IGF1: variants seen among roughly 807,000 people sequenced by gnomAD.
IGF1 encodes the protein insulin-like growth factor 1.
A neutral mutation model predicts 13.8 loss-of-function variants in IGF1; 4 were observed. The observed-to-expected ratio is 0.29, with a 90% CI of 0.14 to 0.66. The LOEUF (loss-of-function observed/expected upper bound fraction) is 0.66, where lower values mean the gene tolerates loss of function less well. Ranked by LOEUF, IGF1 falls within the 30% of genes least tolerant of loss-of-function variation. The pLI is 0.78. For missense variants in IGF1, 124 were observed against 188.5 expected, an observed-to-expected ratio of 0.66 and a Z score of 2.00; for synonymous variants, 76 against 72.6, an observed-to-expected ratio of 1.05 and a Z score of -0.23.
In IGF1 at chr12:102,402,501, G is replaced by T. The variant is rs199909639; in HGVS notation, c.*6C>A. On this transcript the variant is annotated 3_prime_UTR_variant, in exon 4 of 4. Coordinates refer to ENST00000337514, the MANE Select transcript of IGF1 (RefSeq NM_000618.5). ...ATGTCACTCTTCACTCCTCAGGAGG[G>T]TCTTCCTACATCCTGTAGTTCTTGT... 1.2e-5 allele frequency: 9 copies of T among 780,872 alleles called. No individual in the cohort carries two copies. The highest frequency in any genetic ancestry group is 1.9e-5 in the Non-Finnish European group (8 of 417,980). The allele number at this position is 780,872 out of a possible 1,614,324, so 48.4% of individuals were successfully genotyped here. A position where few individuals can be genotyped will look rare whatever the true frequency, so the allele number is the denominator to read the frequency against.
chr12:102,421,953 T>C (rs1243523334), intron 2 of IGF1, among the ~76,000 whole-genome samples: 10 of 152,218 alleles, frequency 6.6e-5, no homozygotes, highest in Admixed American at 5.9e-4. Flanking sequence ...TCTTGGTGAC[T>C]GTAAACAACC....
rs1178699150 is a variant in IGF1 at position 102,397,802 on chromosome 12, A to G, written c.*4705T>C. 6.6e-6 allele frequency: 1 copy of G among 152,222 alleles called. No homozygotes were observed. The highest frequency in any genetic ancestry group is 1.5e-5 in the Non-Finnish European group (1 of 68,038). 9.4% of individuals were successfully genotyped at this position (152,222 alleles called of 1,614,324 possible). A position where few individuals can be genotyped will look rare whatever the true frequency, so the allele number is the denominator to read the frequency against. On this transcript the variant is annotated 3_prime_UTR_variant, in exon 4 of 4. Coordinates refer to ENST00000337514, the MANE Select transcript of IGF1 (RefSeq NM_000618.5). Reference sequence around the variant, plus strand: ...TAAATCAGATTTATCTTTTGAAAATATTGGTGGAAAGCCATGTGATTTGAA... The same window carrying G: ...TAAATCAGATTTATCTTTTGAAAATGTTGGTGGAAAGCCATGTGATTTGAA...
chr12:102,432,489 C>T (rs921909603), intron 2 of IGF1, among the ~76,000 whole-genome samples: 1 of 152,056 alleles, frequency 6.6e-6, no homozygotes, highest in Non-Finnish European at 1.5e-5. Context: ...TGCATAAGGA[C>T]CAGAGGAATT....
intron 3 of IGF1, chr12:102,417,728 C>T (rs2136992407): frequency 6.4e-7 from 1 of 1,564,128 alleles, no homozygotes; most frequent in East Asian, 2.3e-5. Flanking sequence ...TACTTTTCTT[C>T]ATTTCCTCTA....
intron 3 of IGF1, among the ~76,000 whole-genome samples, chr12:102,414,653 A>C (rs1376071321): frequency 6.6e-6 from 1 of 151,996 alleles, no homozygotes; most frequent in Non-Finnish European, 1.5e-5. Context: ...TGAACTCCTG[A>C]GCTCAGGCAA....
At chr12:102,476,307 A>C (rs1330047345) in intron 1 of IGF1, among the ~76,000 whole-genome samples, 2 of 152,138 alleles carry the variant, frequency 1.3e-5, no homozygotes, top group Non-Finnish European at 2.9e-5. Context: ...CCAAAACATC[A>C]TTCCCTATTT....
At chr12:102,402,675 T>C in intron 3 of IGF1, 109 bp from the exon 4 acceptor site, 1 of 754,682 alleles carries the variant, frequency 1.3e-6, no homozygotes. Flanking sequence ...CCAGTTGAGC[T>C]AATAGAGAGC....
At chr12:102,459,237 A>G (rs958084520) in intron 2 of IGF1, among the ~76,000 whole-genome samples, 3 of 152,134 alleles carry the variant, frequency 2.0e-5, no homozygotes, top group African/African-American at 7.2e-5. Flanking sequence ...CCTTACGTAA[A>G]ATGCCTTACT....
chr12:102,425,241 A>G (rs1164900103), intron 2 of IGF1, among the ~76,000 whole-genome samples: 1 of 152,214 alleles, frequency 6.6e-6, no homozygotes, highest in African/African-American at 2.4e-5. Context: ...TGGCATCTTA[A>G]AAGTGAACAC....
intron 2 of IGF1, among the ~76,000 whole-genome samples, chr12:102,433,645 C>G (rs1415725279): frequency 6.6e-6 from 1 of 152,174 alleles, no homozygotes; most frequent in African/African-American, 2.4e-5. Context: ...AGGGCAGACA[C>G]TGTCATCTCA....
chr12:102,419,953 T>C (rs564008903), intron 2 of IGF1, among the ~76,000 whole-genome samples: 67 of 152,310 alleles, frequency 4.4e-4, no homozygotes, highest in Non-Finnish European at 7.2e-4. Context: ...TTGCAACCTG[T>C]AGGCAAGGAT....
intron 2 of IGF1, among the ~76,000 whole-genome samples, chr12:102,435,255 G>A (rs1877124365): frequency 6.6e-6 from 1 of 152,146 alleles, no homozygotes; most frequent in African/African-American, 2.4e-5. Flanking sequence ...CCAAAAAGAG[G>A]CACATACTCA....
chr12:102,455,273 T>G (rs1037588884), intron 2 of IGF1, among the ~76,000 whole-genome samples: 1 of 152,258 alleles, frequency 6.6e-6, no homozygotes, highest in Non-Finnish European at 1.5e-5. Context: ...GACATTGCTA[T>G]GGCTGCAAGT....
chr12:102,462,135 A>G (rs1879947299), intron 2 of IGF1, among the ~76,000 whole-genome samples: 1 of 152,208 alleles, frequency 6.6e-6, no homozygotes, highest in Non-Finnish European at 1.5e-5. Context: ...TTCACACACT[A>G]AGCTTTGTTT....
intron 3 of IGF1, among the ~76,000 whole-genome samples, chr12:102,405,904 A>G (rs1364196724): frequency 6.6e-6 from 1 of 152,220 alleles, no homozygotes; most frequent in Non-Finnish European, 1.5e-5. Flanking sequence ...CATACATCCT[A>G]TTTTTTGTCT....
intron 2 of IGF1, among the ~76,000 whole-genome samples, chr12:102,431,064 C>A (rs527707089): frequency 3.9e-5 from 6 of 152,178 alleles, no homozygotes; most frequent in East Asian, 1.9e-4. Context: ...TCATCTCCCC[C>A]ATCTGGGTTA....
chr12:102,439,588 G>A (rs759064961), intron 2 of IGF1, among the ~76,000 whole-genome samples: 20 of 151,994 alleles, frequency 1.3e-4, no homozygotes, highest in Admixed American at 2.0e-4. Flanking sequence ...ATTATGAAAC[G>A]AAAGCCTAGA....
At chr12:102,421,770 A>G (rs1383838000) in intron 2 of IGF1, among the ~76,000 whole-genome samples, 3 of 152,170 alleles carry the variant, frequency 2.0e-5, no homozygotes, top group African/African-American at 7.2e-5. Context: ...GAAGATAGAC[A>G]AGGGCAGGCT....
chr12:102,434,970 A>G (rs929579182), intron 2 of IGF1, among the ~76,000 whole-genome samples: 1 of 152,230 alleles, frequency 6.6e-6, no homozygotes, highest in Non-Finnish European at 1.5e-5. Context: ...TTTCATGTCC[A>G]CAACCATGGA....
Sources: gnomAD v4.1 joint callset for allele counts (sites outside exome capture counted in the v4.1 genomes callset) on GRCh38, gnomAD v4.1.1 for gene constraint, MANE v1.5 for transcripts, NCBI Gene and HGNC (gene_info 2026-07-23, HGNC 2026-07-21) for gene names.